CNTN1: variants seen among roughly 807,000 people sequenced by gnomAD.
CNTN1 encodes the protein contactin-1.
CNTN1 carries 38 observed loss-of-function variants against 126.4 expected under a neutral mutation model. The observed-to-expected ratio is 0.30, with a 90% CI of 0.23 to 0.39. CNTN1 has a LOEUF of 0.39. Ranked by LOEUF, CNTN1 falls within the 10% of genes least tolerant of loss-of-function variation. The pLI is 1.00. For synonymous variants in CNTN1, 413 were observed against 422.6 expected (o/e 0.98, Z 0.28); for missense variants, 1,009 against 1,248.4 (o/e 0.81, Z 2.89).
chr12:40,964,525 A>T (rs4768327), intron 15 of CNTN1, among the ~76,000 whole-genome samples: 12,419 of 104,704 alleles, frequency 0.12, 569 homozygotes, highest in Middle Eastern at 0.14. Context: ...CGTGTAAGTG[A>T]GTGTGTGTGT....
intron 9 of CNTN1, among the ~76,000 whole-genome samples, chr12:40,936,289 T>C (rs1946078498): frequency 6.6e-6 from 1 of 152,036 alleles, no homozygotes; most frequent in Non-Finnish European, 1.5e-5. Context: ...GTCCAAGTCA[T>C]TTTTCTAGCG....
chr12:40,948,450 G>A (rs1258397834), intron 14 of CNTN1, among the ~76,000 whole-genome samples: 2 of 151,714 alleles, frequency 1.3e-5, no homozygotes, highest in Non-Finnish European at 2.9e-5. Flanking sequence ...ACAGAATTGG[G>A]TTAAATGTTT....
At chr12:40,863,527 A>T (rs1316492499) in intron 1 of CNTN1, among the ~76,000 whole-genome samples, 1 of 152,136 alleles carries the variant, frequency 6.6e-6, no homozygotes, top group Non-Finnish European at 1.5e-5. Flanking sequence ...ACCTCTAAGG[A>T]TTCCCTGTAG....
In CNTN1 at chr12:40,757,200, G is replaced by A. The variant is rs1938646100; in HGVS notation, c.-77+64608G>A. Reference sequence around the variant, plus strand: ...CCCATCATGGGGGTTCTACTCCTATGATCTCATCTAAGTATAATTATTTTC... The same window carrying A: ...CCCATCATGGGGGTTCTACTCCTATAATCTCATCTAAGTATAATTATTTTC... On this transcript the variant is annotated intron_variant, in intron 1 of 23. Coordinates refer to ENST00000551295, the MANE Select transcript of CNTN1 (RefSeq NM_001843.4). 2.0e-5 allele frequency among the ~76,000 whole-genome samples: 3 copies of A among 151,922 alleles called. 1 individual carries two copies. The highest frequency in any genetic ancestry group is 1.9e-4 in the East Asian group (1 of 5,164).
intron 23 of CNTN1, among the ~76,000 whole-genome samples, chr12:41,065,350 C>T (rs760409255): frequency 3.3e-5 from 5 of 152,142 alleles, no homozygotes; most frequent in Non-Finnish European, 5.9e-5. Context: ...CCACCGCACC[C>T]GGCCTCATTG....
chr12:40,711,929 A>G (rs1286014540), intron 1 of CNTN1, among the ~76,000 whole-genome samples: 6 of 152,066 alleles, frequency 3.9e-5, no homozygotes, highest in African/African-American at 1.4e-4. Flanking sequence ...TATGTTTTCC[A>G]AGCTGTTCTC....
At chr12:40,714,967 C>A (rs775420109) in intron 1 of CNTN1, among the ~76,000 whole-genome samples, 2 of 151,990 alleles carry the variant, frequency 1.3e-5, no homozygotes, top group Non-Finnish European at 2.9e-5. Flanking sequence ...TTGAAAAATT[C>A]TCTGTGAAAG....
At chr12:40,929,616 T>C (rs1945811941) in intron 6 of CNTN1, among the ~76,000 whole-genome samples, 180 bp from the exon 7 acceptor site, 2 of 152,040 alleles carry the variant, frequency 1.3e-5, no homozygotes, top group South Asian at 4.1e-4. Flanking sequence ...GTAATGCTTA[T>C]ATTCATGTGA....
At chr12:40,864,137 C>T (rs542825180) in intron 1 of CNTN1, among the ~76,000 whole-genome samples, 106 of 150,578 alleles carry the variant, frequency 7.0e-4, no homozygotes, top group Admixed American at 1.3e-3. Context: ...TCTCCTTCAG[C>T]CTCTGAGTAC....
At chr12:40,930,306 C>G (rs1249042182) in intron 7 of CNTN1, among the ~76,000 whole-genome samples, 1 of 151,990 alleles carries the variant, frequency 6.6e-6, no homozygotes, top group Non-Finnish European at 1.5e-5. Flanking sequence ...TCACTGACAT[C>G]TACTTTTTGT....
intron 17 of CNTN1, among the ~76,000 whole-genome samples, chr12:40,999,942 G>C (rs1264000127): frequency 6.6e-6 from 1 of 151,736 alleles, no homozygotes; most frequent in Non-Finnish European, 1.5e-5. Context: ...TCCTGACCTC[G>C]TGATCCGCCC....
At chr12:40,763,611 A>G (rs1488140674) in intron 1 of CNTN1, among the ~76,000 whole-genome samples, 2 of 152,222 alleles carry the variant, frequency 1.3e-5, no homozygotes, top group Non-Finnish European at 2.9e-5. Context: ...GGCTAAAGAA[A>G]GGAGAAGAGG....
chr12:41,027,908 A>G lies in CNTN1; in HGVS notation c.2762A>G (p.Tyr921Cys), dbSNP rs1416208238. The change falls in exon 22 of 24, where the codon TAT becomes TGT. Residue 921 changes from tyrosine (Y) to cysteine (C), a missense_variant. Physicochemically the swap from Tyr to Cys is radical, Grantham distance 194. Transcript: ENST00000551295. Reference protein sequence around the residue: ...IISSVRSGSRYIITWDHVVAL... With the variant: ...IISSVRSGSRCIITWDHVVAL... Reference sequence around the variant, plus strand: ...AGTTCAGTAAGGTCTGGTTCACGCTATATAATCACCTGGGATCATGTCGTT... The same window carrying G: ...AGTTCAGTAAGGTCTGGTTCACGCTGTATAATCACCTGGGATCATGTCGTT... 3.7e-6 allele frequency: 6 copies of G among 1,613,846 alleles called. No individual in the cohort carries two copies. The highest frequency in any genetic ancestry group is 4.2e-6 in the Non-Finnish European group (5 of 1,179,860).
rs528600415 is a variant in CNTN1 at position 40,812,094 on chromosome 12, A to G, written c.-76-96263A>G. The stretch of plus-strand genomic sequence containing the variant: ...TTAAATTTCGGTATGTTGTGTTTTC[A>G]TTTTTGTTTGTCTTAAGATATTTTC... On this transcript the variant is annotated intron_variant, in intron 1 of 23. Transcript: ENST00000551295. 4.7e-4 allele frequency among the ~76,000 whole-genome samples: 70 copies of G among 147,856 alleles called. 1 individual carries two copies. The East Asian group carries it at 0.013, about 27-fold the overall frequency.
chr12:40,814,449 G>A (rs972474428), intron 1 of CNTN1, among the ~76,000 whole-genome samples: 1 of 152,168 alleles, frequency 6.6e-6, no homozygotes, highest in African/African-American at 2.4e-5. Context: ...TTACTGAATA[G>A]GAGATCCTTT....
intron 1 of CNTN1, among the ~76,000 whole-genome samples, chr12:40,694,262 G>A (rs1941389088): frequency 6.6e-6 from 1 of 152,124 alleles, no homozygotes; most frequent in Admixed American, 6.5e-5. Flanking sequence ...TTTTACATGT[G>A]GACCTGATAT....
intron 23 of CNTN1, among the ~76,000 whole-genome samples, chr12:41,067,938 C>T (rs989324905): frequency 2.0e-5 from 3 of 152,156 alleles, no homozygotes; most frequent in Non-Finnish European, 4.4e-5. Flanking sequence ...AAAAAAATTA[C>T]AAGAATACAA....
chr12:40,705,392 A>G (rs1941711945), intron 1 of CNTN1, among the ~76,000 whole-genome samples: 1 of 152,168 alleles, frequency 6.6e-6, no homozygotes, highest in Non-Finnish European at 1.5e-5. Context: ...TTTACTTATC[A>G]TAAACTTCCT....
chr12:40,760,771 C>T (rs1197946617), intron 1 of CNTN1, among the ~76,000 whole-genome samples: 1 of 151,740 alleles, frequency 6.6e-6, no homozygotes, highest in African/African-American at 2.4e-5. Context: ...TTTTTATCCC[C>T]TTATAGGTGA....
Sources: gnomAD v4.1 joint callset for allele counts (sites outside exome capture counted in the v4.1 genomes callset) on GRCh38, gnomAD v4.1.1 for gene constraint, MANE v1.5 for transcripts, NCBI Gene and HGNC (gene_info 2026-07-23, HGNC 2026-07-21) for gene names.